Variants in PSPC1 observed in about 807,000 individuals in gnomAD.
PSPC1 encodes paraspeckle protein 1.
PSPC1 carries 14 observed loss-of-function variants against 51.6 expected under a neutral mutation model. The ratio of observed to expected loss-of-function variants is 0.27; its 90% CI spans 0.18 to 0.42. The LOEUF is 0.42. Ranked by LOEUF, PSPC1 falls within the 10% of genes least tolerant of loss-of-function variation. The pLI, the probability that PSPC1 is intolerant of heterozygous loss-of-function variation, is 1.00. For missense variants in PSPC1, 406 were observed against 701.1 expected (o/e 0.58, Z 4.75); for synonymous variants, 193 against 231.9 (o/e 0.83, Z 1.53).
chr13:19,765,357 AT>A (rs1887970448), intron 2 of PSPC1, among the ~76,000 whole-genome samples: 1 of 147,864 alleles, frequency 6.8e-6, no homozygotes, highest in Non-Finnish European at 1.5e-5. Flanking sequence ...TATTATTATT[AT>A]TATTATTACC....
chr13:19,764,296 C>CT (rs893081087), intron 2 of PSPC1, among the ~76,000 whole-genome samples: 1 of 152,014 alleles, frequency 6.6e-6, no homozygotes, highest in South Asian at 2.1e-4. Context: ...CCTATACATG[C>CT]TTTTTTTCAG....
intron 5 of PSPC1, among the ~76,000 whole-genome samples, chr13:19,731,289 A>C (rs535493327): frequency 7.8e-4 from 119 of 152,348 alleles, no homozygotes; most frequent in African/African-American, 2.8e-3. Context: ...TAACAGACTC[A>C]CATTATATTG....
chr13:19,751,573 T>C (rs1257646073), intron 3 of PSPC1, 106 bp from the exon 4 acceptor site: 2 of 639,674 alleles, frequency 3.1e-6, no homozygotes, highest in East Asian at 6.5e-5. Context: ...TGAGACACCG[T>C]GTCTACATGA....
In PSPC1 at chr13:19,751,386, T is replaced by C. The variant is rs749920304; in HGVS notation, c.852A>G (p.Glu284=). Reference sequence around the variant, plus strand: ...CCTGCTCACGCTGCTGCTTTTCCATTTCATCAAGAGCCTTCCATCGAGATG... The same window carrying C: ...CCTGCTCACGCTGCTGCTTTTCCATCTCATCAAGAGCCTTCCATCGAGATG... ...EYASRWKALD[E]MEKQQREQVD... Residue 284 remains glutamate, a synonymous_variant, in exon 4 of 9, where the codon GAA becomes GAG. Transcript: ENST00000338910. 1.9e-6 allele frequency: 3 copies of C among 1,594,668 alleles called. No homozygotes were observed. In the Admixed American group the frequency reaches 5.4e-5, roughly 29 times the overall value.
chr13:19,673,126 G>A (rs1876247698), downstream of PSPC1: 1 of 443,698 alleles, frequency 2.3e-6, no homozygotes, highest in African/African-American at 2.1e-5. Flanking sequence ...GCCAGACCTT[G>A]TGCCCTTGTT....
At chr13:19,747,607 A>G (rs559351188) in intron 4 of PSPC1, among the ~76,000 whole-genome samples, 23 of 152,332 alleles carry the variant, frequency 1.5e-4, no homozygotes, top group Admixed American at 1.4e-3. Context: ...CTAGAATTAC[A>G]GGCATGAGCC....
chr13:19,697,992 G>T (rs1879448281), downstream of PSPC1, among the ~76,000 whole-genome samples: 1 of 151,934 alleles, frequency 6.6e-6, no homozygotes, highest in Non-Finnish European at 1.5e-5. Context: ...TCCAAACATG[G>T]CAAAGTGAAC....
At position 19,685,068 on chromosome 13, in the gene PSPC1, T is replaced by A. The variant is rs200673865; in HGVS notation, c.1159-7245A>T. On this transcript the variant is annotated intron_variant and NMD_transcript_variant, in intron 6 of 7. Transcript: ENST00000471658. Reference sequence around the variant, plus strand: ...GAAATTTAGACTATATAGACCAGGTTAATAGGTAACAGAAAAACAAAGTAT... The same window carrying A: ...GAAATTTAGACTATATAGACCAGGTAAATAGGTAACAGAAAAACAAAGTAT... Among the ~76,000 whole-genome samples, 11 of 152,334 alleles carry A rather than the reference T, an allele frequency of 7.2e-5. No homozygotes were observed. In the East Asian group the frequency reaches 2.1e-3, roughly 29 times the overall value.
downstream of PSPC1, chr13:19,672,944 T>C (rs1876218624): frequency 2.6e-6 from 1 of 381,444 alleles, no homozygotes; most frequent in Admixed American, 3.5e-5. Flanking sequence ...TAGTCCCAGA[T>C]ACTCAGGAGG....
At chr13:19,775,572 TC>T in intron 1 of PSPC1, among the ~76,000 whole-genome samples, 1 of 152,280 alleles carries the variant, frequency 6.6e-6, no homozygotes, top group East Asian at 1.9e-4. Flanking sequence ...CTAGAATCAA[TC>T]CCCCACAGAT....
At chr13:19,747,173 G>A (rs1431874653) in intron 4 of PSPC1, among the ~76,000 whole-genome samples, 1 of 152,136 alleles carries the variant, frequency 6.6e-6, no homozygotes, top group Non-Finnish European at 1.5e-5. Context: ...ATTCTTTGCA[G>A]CACTGCTTTT....
chr13:19,772,626 G>A, intron 1 of PSPC1, 83 bp from the exon 2 acceptor site: 1 of 1,344,802 alleles, frequency 7.4e-7, no homozygotes, highest in South Asian at 1.4e-5. Flanking sequence ...GGGAGAACTA[G>A]GTATCTTTAG....
chr13:19,734,367 C>G (rs1030083459), intron 5 of PSPC1, among the ~76,000 whole-genome samples: 4 of 152,100 alleles, frequency 2.6e-5, no homozygotes, highest in African/African-American at 4.8e-5. Context: ...ATTTACAGGT[C>G]TCAAATATTC....
intron 8 of PSPC1, among the ~76,000 whole-genome samples, chr13:19,703,784 A>G (rs1330864722): frequency 2.0e-5 from 3 of 152,316 alleles, no homozygotes; most frequent in East Asian, 1.9e-4. Context: ...CGGTTTTTTA[A>G]AAGTAAACAT....
chr13:19,758,081 G>A (rs926244905), intron 3 of PSPC1, among the ~76,000 whole-genome samples: 5 of 151,834 alleles, frequency 3.3e-5, no homozygotes, highest in South Asian at 2.1e-4. Context: ...TTGGGAGGCC[G>A]AGGTGGGTGG....
In PSPC1 at chr13:19,753,615, T is replaced by C. The variant is rs192437358; in HGVS notation, c.771-2148A>G. On this transcript the variant is annotated intron_variant, in intron 3 of 8. Coordinates refer to ENST00000338910, the MANE Select transcript of PSPC1 (RefSeq NM_001354909.2). ...TTAAAAGTACTCATGGGAAAACAAT[T>C]CCCACTCCATGAATAAAAGCATAGA... Among the ~76,000 whole-genome samples, 829 of 152,162 alleles carry C rather than the reference T, an allele frequency of 5.4e-3. 4 individuals are homozygous for C. Among genetic ancestry groups the C allele is most frequent in the Non-Finnish European group, 8.0e-3 (543 of 68,030 alleles).
chr13:19,709,048 C>G (rs1038800506), intron 7 of PSPC1, among the ~76,000 whole-genome samples: 5 of 150,606 alleles, frequency 3.3e-5, no homozygotes, highest in African/African-American at 1.2e-4. Flanking sequence ...CCTGTAGTCC[C>G]AGCTACTTGG....
intron 6 of PSPC1, among the ~76,000 whole-genome samples, chr13:19,683,553 A>T (rs376018098): frequency 2.8e-4 from 42 of 152,354 alleles, no homozygotes; most frequent in African/African-American, 9.1e-4. Context: ...CGTTTATGAA[A>T]ACAGTCAAAC....
chr13:19,711,639 TAAAAAA>T (rs143917566), intron 6 of PSPC1, among the ~76,000 whole-genome samples: 4 of 80,944 alleles, frequency 4.9e-5, no homozygotes, highest in Non-Finnish European at 8.7e-5. Flanking sequence ...CTCCGTCTCA[TAAAAAA>T]AAAAAAAAAA....
Sources: allele counts gnomAD v4.1 joint callset (sites outside exome capture counted in the v4.1 genomes callset), GRCh38; gene constraint gnomAD v4.1.1; transcripts MANE v1.5; gene names NCBI Gene and HGNC (gene_info 2026-07-23, HGNC 2026-07-21).